DIP2C: variants seen among roughly 807,000 people sequenced by gnomAD.
DIP2C encodes the protein disco-interacting protein 2 homolog C.
Under a neutral mutation model 192.4 loss-of-function variants are expected in DIP2C, and 33 were observed. The ratio of observed to expected loss-of-function variants is 0.17; its 90% CI spans 0.13 to 0.23. The LOEUF (loss-of-function observed/expected upper bound fraction) is 0.23, where lower values mean the gene tolerates loss of function less well. Among genes scored for constraint, DIP2C ranks in the 10% least tolerant of loss-of-function variants. The pLI is 1.00. For synonymous variants in DIP2C, 979 were observed against 864.1 expected, an observed-to-expected ratio of 1.13 and a Z score of -2.33; for missense variants, 1,537 against 2,110.1, an observed-to-expected ratio of 0.73 and a Z score of 5.32.
At chr10:373,970 C>A (rs1961281594) in intron 17 of DIP2C, among the ~76,000 whole-genome samples, 1 of 152,192 alleles carries the variant, frequency 6.6e-6, no homozygotes, top group Non-Finnish European at 1.5e-5. Context: ...ATTTCTCTCT[C>A]AAACTGTCTT....
chr10:647,927 C>T (rs916431442), intron 1 of DIP2C, among the ~76,000 whole-genome samples: 1 of 151,308 alleles, frequency 6.6e-6, no homozygotes, highest in African/African-American at 2.4e-5. Context: ...ACTGAATCCA[C>T]GTCCACATTT....
At chr10:567,851 A>T (rs1028709978) in intron 1 of DIP2C, among the ~76,000 whole-genome samples, 1 of 152,016 alleles carries the variant, frequency 6.6e-6, no homozygotes, top group Admixed American at 6.5e-5. Context: ...GCTGGTCTCG[A>T]ACTCCTGACC....
chr10:391,430 C>A (rs779475552), intron 10 of DIP2C, among the ~76,000 whole-genome samples: 29 of 152,218 alleles, frequency 1.9e-4, no homozygotes, highest in Non-Finnish European at 2.2e-4. Flanking sequence ...CTTGCTGAAA[C>A]AGGCCACTGC....
At chr10:366,722 A>T (rs534820194) in intron 18 of DIP2C, among the ~76,000 whole-genome samples, 2 of 152,230 alleles carry the variant, frequency 1.3e-5, no homozygotes, top group Non-Finnish European at 2.9e-5. Flanking sequence ...CTCAGAACTA[A>T]CATCAGGACC....
chr10:486,420 GA>G, intron 2 of DIP2C, 38 bp downstream of exon 2: 1 of 1,532,676 alleles, frequency 6.5e-7, no homozygotes, highest in South Asian at 1.3e-5. Context: ...GTGAATGCGG[GA>G]AATGAGAGGA....
intron 32 of DIP2C, among the ~76,000 whole-genome samples, chr10:300,699 C>G (rs1182044711): frequency 3.0e-5 from 4 of 134,936 alleles, no homozygotes; most frequent in Admixed American, 7.4e-5. Flanking sequence ...GGAACCCAGG[C>G]GCGGCCCTGA....
At chr10:650,414 A>G (rs758443669) in intron 1 of DIP2C, 2 of 714,508 alleles carry the variant, frequency 2.8e-6, no homozygotes, top group Middle Eastern at 4.6e-4. Flanking sequence ...ACACGAGAAG[A>G]ACGCAGGCCG....
intron 10 of DIP2C, among the ~76,000 whole-genome samples, chr10:393,826 G>GA (rs1203515501): frequency 0.025 from 2,776 of 110,554 alleles, 53 homozygotes; most frequent in Admixed American, 0.058. Flanking sequence ...AAAGGAAAAG[G>GA]AAAAAAAAAA....
chr10:411,125 T>C (rs1965157268), intron 8 of DIP2C, among the ~76,000 whole-genome samples: 5 of 152,266 alleles, frequency 3.3e-5, no homozygotes, highest in Admixed American at 3.3e-4. Context: ...CACAGAAAGG[T>C]GGCCCAGCGT....
chr10:489,114 C>T (rs757468351), intron 1 of DIP2C, among the ~76,000 whole-genome samples: 39 of 152,178 alleles, frequency 2.6e-4, no homozygotes, highest in Non-Finnish European at 8.8e-5. Flanking sequence ...CTGGATGCCA[C>T]GGCCCTGAGA....
chr10:324,109 G>A (rs1589481532), intron 31 of DIP2C, among the ~76,000 whole-genome samples: 1 of 152,044 alleles, frequency 6.6e-6, no homozygotes, highest in Non-Finnish European at 1.5e-5. Flanking sequence ...CCCCGTGTTC[G>A]TGGCACTCTA....
chr10:370,985 G>C (rs1442219881), intron 17 of DIP2C, among the ~76,000 whole-genome samples: 3 of 152,144 alleles, frequency 2.0e-5, no homozygotes, highest in African/African-American at 7.2e-5. Flanking sequence ...AGATATAAAA[G>C]AAAAGTCTCC....
At chr10:665,709 A>C (rs2132108297) in intron 1 of DIP2C, 1 of 152,434 alleles carries the variant, frequency 6.6e-6, no homozygotes, top group Admixed American at 6.5e-5. Flanking sequence ...AGATTCCCAC[A>C]CTGGAAAATC....
At chr10:599,423 A>G (rs1851916135) in intron 1 of DIP2C, among the ~76,000 whole-genome samples, 1 of 152,244 alleles carries the variant, frequency 6.6e-6, no homozygotes, top group Non-Finnish European at 1.5e-5. Flanking sequence ...CAGATTAAAC[A>G]TCAAGATACA....
At chr10:601,029 T>TG (rs1852039883) in intron 1 of DIP2C, among the ~76,000 whole-genome samples, 1 of 152,130 alleles carries the variant, frequency 6.6e-6, no homozygotes, top group Non-Finnish European at 1.5e-5. Context: ...CTGAGAAGGC[T>TG]GCTCAGTCAA....
chr10:621,812 G>A (rs143364333), intron 1 of DIP2C, among the ~76,000 whole-genome samples: 66 of 152,276 alleles, frequency 4.3e-4, no homozygotes, highest in African/African-American at 1.3e-3. Flanking sequence ...TTTCTGCTGC[G>A]GCTGACATCA....
intron 1 of DIP2C, among the ~76,000 whole-genome samples, chr10:577,701 C>T (rs1263824501): frequency 6.6e-6 from 1 of 152,134 alleles, no homozygotes; most frequent in Non-Finnish European, 1.5e-5. Context: ...TTTTAACAAG[C>T]TAAATAACTA....
intron 17 of DIP2C, among the ~76,000 whole-genome samples, chr10:372,616 C>A (rs965566196): frequency 6.6e-6 from 1 of 152,176 alleles, no homozygotes; most frequent in Admixed American, 6.5e-5. Context: ...AGAAAACGCA[C>A]GGCCCCGGGA....
intron 1 of DIP2C, among the ~76,000 whole-genome samples, chr10:643,314 C>A (rs1334586895): frequency 6.6e-6 from 1 of 151,842 alleles, no homozygotes; most frequent in Non-Finnish European, 1.5e-5. Flanking sequence ...GAGATCGAGA[C>A]CATCCTGGCT....
Sources: gnomAD v4.1 joint callset for allele counts (sites outside exome capture counted in the v4.1 genomes callset) on GRCh38, gnomAD v4.1.1 for gene constraint, MANE v1.5 for transcripts, NCBI Gene and HGNC (gene_info 2026-07-23, HGNC 2026-07-21) for gene names.